Variants in MAP2K1 observed in about 807,000 individuals in gnomAD.
MAP2K1 encodes the protein mitogen-activated protein kinase kinase 1, also known as dual specificity mitogen-activated protein kinase kinase 1.
MAP2K1 carries 16 observed loss-of-function variants against 46.3 expected under a neutral mutation model. The observed-to-expected ratio is 0.35, with a 90% CI of 0.23 to 0.52. The LOEUF is 0.52. Among genes scored for constraint, MAP2K1 ranks in the 20% least tolerant of loss-of-function variants. The pLI is 0.94. For synonymous variants in MAP2K1, 183 were observed against 185.6 expected (o/e 0.99, Z 0.11); for missense variants, 263 against 497.1 (o/e 0.53, Z 4.48).
At chr15:66,406,887 C>G (rs1024927309) in intron 1 of MAP2K1, among the ~76,000 whole-genome samples, 21 of 152,136 alleles carry the variant, frequency 1.4e-4, no homozygotes, top group Admixed American at 1.4e-3. Context: ...AAAAAATTAG[C>G]CGGGCGTGGT....
intron 1 of MAP2K1, among the ~76,000 whole-genome samples, chr15:66,403,601 T>C (rs2093387933): frequency 6.6e-6 from 1 of 152,160 alleles, no homozygotes; most frequent in Non-Finnish European, 1.5e-5. Flanking sequence ...GCATTTACTT[T>C]TCAGACAAAG....
chr15:66,422,862 TTA>T (rs1252100420), intron 1 of MAP2K1, among the ~76,000 whole-genome samples: 3 of 152,222 alleles, frequency 2.0e-5, no homozygotes, highest in Non-Finnish European at 4.4e-5. Flanking sequence ...TACATATATG[TTA>T]GACGATTGGA....
intron 1 of MAP2K1, among the ~76,000 whole-genome samples, chr15:66,396,508 G>T (rs1388821585): frequency 6.6e-6 from 1 of 151,986 alleles, no homozygotes; most frequent in Non-Finnish European, 1.5e-5. Context: ...GACCTCAGGT[G>T]ATATGCCTGC....
intron 5 of MAP2K1, among the ~76,000 whole-genome samples, chr15:66,465,520 C>T (rs1289044758): frequency 6.6e-6 from 1 of 152,114 alleles, no homozygotes; most frequent in African/African-American, 2.4e-5. Flanking sequence ...CTTTAACTAC[C>T]AGGCCCAGGG....
At chr15:66,484,709 A>C (rs1225289365) in intron 6 of MAP2K1, among the ~76,000 whole-genome samples, 1 of 152,250 alleles carries the variant, frequency 6.6e-6, no homozygotes, top group Non-Finnish European at 1.5e-5. Flanking sequence ...CTGGAACCAC[A>C]GGCTGTAGTG....
chr15:66,425,024 AACCTTAGGTG>A (rs2093454089), intron 1 of MAP2K1, among the ~76,000 whole-genome samples: 6 of 151,748 alleles, frequency 4.0e-5, no homozygotes, highest in Admixed American at 3.3e-4. Flanking sequence ...TCAAACTCCC[AACCTTAGGTG>A]ATCTGCCCGC....
Position 66,485,175 on chromosome 15 carries a change from C to G in MAP2K1, c.879C>G (p.Pro293=), listed in dbSNP as rs370521459. Residue 293 remains proline (P), a synonymous_variant, in exon 7 of 11, where the codon CCC becomes CCG. Transcript: ENST00000307102. Reference sequence around the variant, plus strand: ...AGACCCCACCCAGGCCAAGGACCCCCGGGAGGCCCCTTAGCTGTGAGTAGC... The same window carrying G: ...AGACCCCACCCAGGCCAAGGACCCCGGGGAGGCCCCTTAGCTGTGAGTAGC... ...AAETPPRPRT[P]GRPLSSYGMD... is the part of the protein sequence containing the mutation. The G allele has an allele frequency of 1.9e-6, 3 of 1,613,794 alleles. No individual in the cohort carries two copies. Among genetic ancestry groups the G allele is most frequent in the South Asian group, 1.1e-5 (1 of 91,050 alleles).
intron 5 of MAP2K1, among the ~76,000 whole-genome samples, chr15:66,445,402 C>A (rs934679375): frequency 6.6e-6 from 1 of 151,940 alleles, no homozygotes; most frequent in Non-Finnish European, 1.5e-5. Flanking sequence ...AAAACAACAA[C>A]AACAAGAAGA....
chr15:66,436,811 T>C lies in MAP2K1; in HGVS notation c.357T>C (p.His119=), dbSNP rs753763967. ...TCATAAGGGAGCTGCAGGTTCTGCA[T>C]GAGTGCAACTCTCCGTACATCGTGG... The part of the protein sequence containing the change: ...NQIIRELQVL[H]ECNSPYIVGF... Residue 119 remains histidine (H), a synonymous_variant, in exon 3 of 11, where the codon CAT becomes CAC. Transcript: ENST00000307102. 26 of 1,614,088 alleles carry C rather than the reference T, an allele frequency of 1.6e-5. No homozygotes were observed. In the South Asian group the frequency reaches 2.9e-4, roughly 18 times the overall value.
intron 1 of MAP2K1, among the ~76,000 whole-genome samples, chr15:66,413,815 C>G (rs1595847093): frequency 1.3e-5 from 2 of 151,900 alleles, no homozygotes; most frequent in East Asian, 3.9e-4. Context: ...CTAACGCTGT[C>G]TTGAGGAGTG....
intron 5 of MAP2K1, among the ~76,000 whole-genome samples, chr15:66,449,706 C>T (rs1034443248): frequency 1.4e-4 from 21 of 152,158 alleles, no homozygotes; most frequent in Admixed American, 1.4e-3. Context: ...CATGGTGAAA[C>T]CCCCGTCTAC....
At chr15:66,444,774 CT>C in intron 5 of MAP2K1, 67 bp downstream of exon 5, 2 of 1,263,996 alleles carry the variant, frequency 1.6e-6, no homozygotes, top group Non-Finnish European at 2.3e-6. Flanking sequence ...GTTGCTTCCT[CT>C]TTTTTCTATG....
At chr15:66,474,953 A>G (rs1488367974) in intron 5 of MAP2K1, among the ~76,000 whole-genome samples, 1 of 151,216 alleles carries the variant, frequency 6.6e-6, no homozygotes, top group Non-Finnish European at 1.5e-5. Flanking sequence ...CAGGTGTTCC[A>G]TAAATCAGAG....
intron 3 of MAP2K1, among the ~76,000 whole-genome samples, chr15:66,437,308 T>C (rs989360270): frequency 5.9e-5 from 9 of 152,116 alleles, no homozygotes; most frequent in African/African-American, 2.2e-4. Flanking sequence ...TTTCTCTGGG[T>C]TTCTGTATGA....
chr15:66,443,424 G>A (rs2140598659), intron 4 of MAP2K1, 67 bp downstream of exon 4: 1 of 979,806 alleles, frequency 1.0e-6, no homozygotes, highest in Non-Finnish European at 1.7e-6. Flanking sequence ...GTAAGAAATG[G>A]ACAAGAGAGG....
At position 66,478,238 on chromosome 15, in the gene MAP2K1, T is replaced by TTA. The variant is rs201230001; in HGVS notation, c.569-3504_569-3503dup. Among the ~76,000 whole-genome samples the TTA allele has an allele frequency of 7.7e-5, 11 of 143,396 alleles. No individual in the cohort carries two copies. In the East Asian group the frequency reaches 7.9e-4, roughly 10 times the overall value. 94.1% of individuals were successfully genotyped at this position (143,396 alleles called of 152,430 possible). ...CTCTCTCTGTCCTCACAGGGTTTTA[T>TTA]TATATATATATATAAAAATCTGTGT... On this transcript the variant is annotated intron_variant, in intron 5 of 10. Transcript: ENST00000307102.
At chr15:66,396,313 T>G (rs1352830942) in intron 1 of MAP2K1, among the ~76,000 whole-genome samples, 1 of 152,014 alleles carries the variant, frequency 6.6e-6, no homozygotes, top group African/African-American at 2.4e-5. Context: ...AGTTTCACTC[T>G]TCTCATCCAG....
At chr15:66,485,278 A>G (rs1158875382) in intron 7 of MAP2K1, 87 bp downstream of exon 7, 27 of 1,255,036 alleles carry the variant, frequency 2.2e-5, no homozygotes, top group Non-Finnish European at 3.0e-5. Context: ...GATTCTCTGT[A>G]CATTCTGCCA....
At chr15:66,441,700 C>T (rs1166705303) in intron 3 of MAP2K1, among the ~76,000 whole-genome samples, 1 of 150,724 alleles carries the variant, frequency 6.6e-6, no homozygotes, top group Non-Finnish European at 1.5e-5. Flanking sequence ...TATATTCTGT[C>T]TCCCTAAGGA....
Sources: allele counts gnomAD v4.1 joint callset (sites outside exome capture counted in the v4.1 genomes callset), GRCh38; gene constraint gnomAD v4.1.1; transcripts MANE v1.5; gene names NCBI Gene and HGNC (gene_info 2026-07-23, HGNC 2026-07-21).